The following PPFIA2 variants were observed in gnomAD, a reference collection of about 807,000 sequenced individuals.
The protein encoded by PPFIA2 is PPFI scaffold protein A2.
Under a neutral mutation model 175.5 loss-of-function variants are expected in PPFIA2, and 46 were observed. The ratio of observed to expected loss-of-function variants is 0.26; its 90% CI spans 0.21 to 0.34. PPFIA2 has a LOEUF of 0.34. Ranked by LOEUF, PPFIA2 falls within the 10% of genes least tolerant of loss-of-function variation. PPFIA2 has a pLI of 1.00. For missense variants in PPFIA2, 1,179 were observed against 1,506.1 expected (o/e 0.78, Z 3.60); for synonymous variants, 568 against 511.4 (o/e 1.11, Z -1.49).
At chr12:81,556,877 C>A (rs528576057) in intron 4 of PPFIA2, among the ~76,000 whole-genome samples, 43 of 151,850 alleles carry the variant, frequency 2.8e-4, no homozygotes, top group African/African-American at 9.9e-4. Flanking sequence ...TCACTTTTTG[C>A]ACTTATTTGC....
intron 4 of PPFIA2, among the ~76,000 whole-genome samples, chr12:81,648,997 G>A (rs1185253780): frequency 6.6e-6 from 1 of 151,858 alleles, no homozygotes; most frequent in Non-Finnish European, 1.5e-5. Context: ...AAGTCTAAAT[G>A]TGAGAGCTAA....
chr12:81,703,000 G>T (rs1296354125), intron 3 of PPFIA2, among the ~76,000 whole-genome samples: 1 of 152,102 alleles, frequency 6.6e-6, no homozygotes, highest in Non-Finnish European at 1.5e-5. Context: ...AGCAACAAAT[G>T]TCTGTTGTTT....
intron 4 of PPFIA2, among the ~76,000 whole-genome samples, chr12:81,660,687 A>G (rs1228410404): frequency 6.6e-6 from 1 of 152,178 alleles, no homozygotes; most frequent in Non-Finnish European, 1.5e-5. Context: ...AATTCAGGAA[A>G]TACAGAGAAC....
chr12:81,358,297 G>A, intron 15 of PPFIA2, 80 bp from the exon 16 acceptor site: 1 of 1,307,928 alleles, frequency 7.6e-7, no homozygotes, highest in Non-Finnish European at 1.1e-6. Context: ...TGTTTTACTG[G>A]CAATAAAGCA....
At chr12:81,365,503 G>A (rs1398348904) in intron 14 of PPFIA2, among the ~76,000 whole-genome samples, 1 of 151,694 alleles carries the variant, frequency 6.6e-6, no homozygotes, top group Admixed American at 6.6e-5. Context: ...ATTGCCAGGA[G>A]CACACAGAGC....
chr12:81,505,527 C>T (rs2147577374), intron 4 of PPFIA2, among the ~76,000 whole-genome samples: 1 of 152,206 alleles, frequency 6.6e-6, no homozygotes, highest in Middle Eastern at 3.4e-3. Context: ...GCAAGTGAGC[C>T]TAATCTATAT....
chr12:81,619,955 C>T (rs995214226), intron 4 of PPFIA2, among the ~76,000 whole-genome samples: 15 of 151,930 alleles, frequency 9.9e-5, no homozygotes, highest in African/African-American at 2.4e-4. Context: ...GTCAGGAGGT[C>T]GAGACCATCC....
At chr12:81,721,098 C>T (rs552883116) in intron 3 of PPFIA2, among the ~76,000 whole-genome samples, 37 of 149,844 alleles carry the variant, frequency 2.5e-4, no homozygotes, top group Admixed American at 1.5e-3. Context: ...AAAAGGTGGC[C>T]GTTTTTATTG....
At chr12:81,732,220 C>T (rs563457951) in intron 3 of PPFIA2, among the ~76,000 whole-genome samples, 1 of 151,434 alleles carries the variant, frequency 6.6e-6, no homozygotes, top group East Asian at 1.9e-4. Flanking sequence ...ATGGTGACTA[C>T]AAGAATGATA....
chr12:81,535,358 G>A (rs1169108199), intron 4 of PPFIA2: 3 of 453,528 alleles, frequency 6.6e-6, no homozygotes, highest in East Asian at 1.4e-4. Context: ...ATTGGCAAAG[G>A]CCAGATCTAT....
chr12:81,688,455 A>G (rs2074742697), intron 3 of PPFIA2, among the ~76,000 whole-genome samples: 1 of 151,940 alleles, frequency 6.6e-6, no homozygotes, highest in Non-Finnish European at 1.5e-5. Context: ...TTTATAATTA[A>G]GTCTTCAATT....
At chr12:81,703,430 T>C (rs180775031) in intron 3 of PPFIA2, among the ~76,000 whole-genome samples, 4 of 152,218 alleles carry the variant, frequency 2.6e-5, no homozygotes, top group Admixed American at 1.3e-4. Flanking sequence ...ATCCCTTAAG[T>C]AGTCCTATCA....
chr12:81,482,696 A>G (rs531580261), intron 4 of PPFIA2, among the ~76,000 whole-genome samples: 2 of 152,192 alleles, frequency 1.3e-5, no homozygotes, highest in Middle Eastern at 3.4e-3. Flanking sequence ...ATGAGAACAC[A>G]TGGACACAGG....
At chr12:81,493,214 G>A (rs1185774860) in intron 4 of PPFIA2, among the ~76,000 whole-genome samples, 1 of 152,042 alleles carries the variant, frequency 6.6e-6, no homozygotes, top group East Asian at 1.9e-4. Flanking sequence ...TGGGAGAAGG[G>A]TCCAAGTTGG....
At chr12:81,553,633 G>A (rs2068325633) in intron 4 of PPFIA2, among the ~76,000 whole-genome samples, 1 of 152,084 alleles carries the variant, frequency 6.6e-6, no homozygotes, top group African/African-American at 2.4e-5. Flanking sequence ...AGGAGCCATA[G>A]AGGAGCACTG....
At chr12:81,307,435 A>G (rs1228358366) in intron 22 of PPFIA2, among the ~76,000 whole-genome samples, 2 of 152,194 alleles carry the variant, frequency 1.3e-5, no homozygotes, top group African/African-American at 4.8e-5. Context: ...AGTATTCTAT[A>G]TTTTTATAAC....
At chr12:81,265,250 A>T (rs912623149) in intron 30 of PPFIA2, among the ~76,000 whole-genome samples, 1 of 135,558 alleles carries the variant, frequency 7.4e-6, no homozygotes, top group Non-Finnish European at 1.5e-5. Context: ...CCGAGATCAC[A>T]CCATTGCACT....
At chr12:81,370,210 T>C (rs2034703411) in intron 11 of PPFIA2, among the ~76,000 whole-genome samples, 1 of 151,726 alleles carries the variant, frequency 6.6e-6, no homozygotes, top group Admixed American at 6.6e-5. Context: ...CCTTGCTCTG[T>C]AGAAAAAAAG....
At chr12:81,376,527 G>C (rs1296145568) in intron 9 of PPFIA2, among the ~76,000 whole-genome samples, 2 of 152,060 alleles carry the variant, frequency 1.3e-5, no homozygotes, top group Non-Finnish European at 2.9e-5. Context: ...TTTTAAAGAA[G>C]TCCATGAACA....
Sources: allele counts gnomAD v4.1 joint callset (sites outside exome capture counted in the v4.1 genomes callset), GRCh38; gene constraint gnomAD v4.1.1; transcripts MANE v1.5; gene names NCBI Gene and HGNC (gene_info 2026-07-23, HGNC 2026-07-21).